Variants in IKZF1 observed in about 807,000 individuals in gnomAD.
IKZF1 encodes the protein DNA-binding protein Ikaros.
In IKZF1, 10 loss-of-function variants were observed where a neutral mutation model predicts 51.7. The observed-to-expected ratio is 0.19, with a 90% CI of 0.12 to 0.33. The LOEUF is 0.33. IKZF1 is among the 10% of genes least tolerant of loss of function. The pLI is 1.00. For synonymous variants in IKZF1, 280 were observed against 282.3 expected, an observed-to-expected ratio of 0.99 and a Z score of 0.08; for missense variants, 484 against 707.5, an observed-to-expected ratio of 0.68 and a Z score of 3.58.
intron 3 of IKZF1, among the ~76,000 whole-genome samples, chr7:50,349,778 T>C (rs1022085861): frequency 2.6e-5 from 4 of 152,184 alleles, no homozygotes; most frequent in East Asian, 1.9e-4. Context: ...ATAAATCTTA[T>C]AGGAAGTACC....
intron 3 of IKZF1, among the ~76,000 whole-genome samples, chr7:50,330,479 G>T (rs1334181917): frequency 6.6e-6 from 1 of 152,108 alleles, no homozygotes; most frequent in African/African-American, 2.4e-5. Flanking sequence ...CAAAGGAGAG[G>T]CTTGAGAAGA....
intron 3 of IKZF1, among the ~76,000 whole-genome samples, chr7:50,363,191 G>C (rs1029643378): frequency 1.3e-5 from 2 of 152,200 alleles, no homozygotes; most frequent in Non-Finnish European, 2.9e-5. Flanking sequence ...CAGGCATGGA[G>C]GGAAGAATGG....
chr7:50,327,549 T>A, intron 2 of IKZF1, 89 bp from the exon 3 acceptor site: 1 of 1,462,970 alleles, frequency 6.8e-7, no homozygotes, highest in East Asian at 2.5e-5. Context: ...ACCTGCCTCC[T>A]CATGCCACCC....
chr7:50,374,462 G>C (rs1422734108), intron 3 of IKZF1, among the ~76,000 whole-genome samples: 2 of 152,226 alleles, frequency 1.3e-5, no homozygotes, highest in African/African-American at 4.8e-5. Context: ...CCACTTGCCA[G>C]CTATGTGACC....
In IKZF1 at chr7:50,403,915, G is replaced by A. The variant is rs11980407; in HGVS notation, c.*3288G>A. 0.24 allele frequency: 52,244 copies of A among 216,228 alleles called. 6,715 individuals carry two copies. Among genetic ancestry groups the A allele is most frequent in the South Asian group, 0.29 (1,544 of 5,362 alleles). 13.4% of individuals were successfully genotyped at this position (216,228 alleles called of 1,614,324 possible). Reference sequence around the variant, plus strand: ...TGAACTGGACTTATGTAGACAAATCGTGATGCCAGTGTATCCTTCCTTTCT... The same window carrying A: ...TGAACTGGACTTATGTAGACAAATCATGATGCCAGTGTATCCTTCCTTTCT... On this transcript the variant is annotated 3_prime_UTR_variant, in exon 8 of 8. Transcript: ENST00000331340.
At chr7:50,356,118 G>A (rs1052387078) in intron 3 of IKZF1, among the ~76,000 whole-genome samples, 2 of 152,214 alleles carry the variant, frequency 1.3e-5, no homozygotes, top group Non-Finnish European at 2.9e-5. Context: ...GTCCCTAAAC[G>A]CATCTACCCC....
rs766697659 is a variant in IKZF1, at chr7:50,387,312, T to C, written c.590-33T>C. The C allele has an allele frequency of 8.1e-6, 13 of 1,600,250 alleles. No homozygotes were observed. The East Asian group carries it at 2.0e-4, about 25-fold the overall frequency. On this transcript the variant is annotated intron_variant, in intron 5 of 7. Coordinates refer to ENST00000331340, the MANE Select transcript of IKZF1 (RefSeq NM_006060.6). Reference sequence around the variant, plus strand: ...CCTTACACAGAAGGCTGGCATTTAATTGGGGTCTTGAACTCAATTGTGTTT... The same window carrying C: ...CCTTACACAGAAGGCTGGCATTTAACTGGGGTCTTGAACTCAATTGTGTTT...
chr7:50,387,397 C>T lies in IKZF1; in HGVS notation c.642C>T (p.Ser214=). 1 of 1,611,080 alleles carries T rather than the reference C, an allele frequency of 6.2e-7. No homozygotes were observed. The highest frequency in any genetic ancestry group is 8.5e-7 in the Non-Finnish European group (1 of 1,178,556). ...GTGGCCGAAGCTATAAACAGCGAAG[C>T]TCTTTAGAGGAACATAAAGAGCGCT... ...GYCGRSYKQR[S]SLEEHKERCH... is the part of the protein sequence containing the mutation. Residue 214 remains serine (S), a synonymous_variant, in exon 6 of 8, where the codon AGC becomes AGT. Transcript: ENST00000331340.
intron 3 of IKZF1, among the ~76,000 whole-genome samples, chr7:50,336,680 C>G (rs1026064574): frequency 6.6e-6 from 1 of 152,212 alleles, no homozygotes; most frequent in African/African-American, 2.4e-5. Context: ...TGAGGCGGTT[C>G]CATCCGTTGG....
At chr7:50,387,254 C>A (rs1298313553) in intron 5 of IKZF1, 91 bp from the exon 6 acceptor site, 8 of 1,405,730 alleles carry the variant, frequency 5.7e-6, no homozygotes, top group Admixed American at 3.0e-5. Context: ...TTTTTTTTAA[C>A]TTTTTTGGTA....
In IKZF1 at chr7:50,402,523, T is replaced by C; in HGVS notation, c.*1896T>C. ...GGGGAGAACCACTGACCCAAATGAA[T>C]TCTAAACCAATCAAATGTCTGGGAA... On this transcript the variant is annotated 3_prime_UTR_variant, in exon 8 of 8. Transcript: ENST00000331340. 4.3e-6 allele frequency: 1 copy of C among 231,992 alleles called. No homozygotes were observed. The highest frequency in any genetic ancestry group is 8.5e-6 in the Non-Finnish European group (1 of 117,158). The allele number at this position is 231,992 out of a possible 1,614,324, so 14.4% of individuals were successfully genotyped here. A position where few individuals can be genotyped will look rare whatever the true frequency, so the allele number is the denominator to read the frequency against.
At chr7:50,363,541 T>A (rs1434795291) in intron 3 of IKZF1, among the ~76,000 whole-genome samples, 1 of 152,136 alleles carries the variant, frequency 6.6e-6, no homozygotes, top group Non-Finnish European at 1.5e-5. Flanking sequence ...ACTCCCCAGC[T>A]CTGTGTCCCT....
chr7:50,325,002 A>G (rs1321081311), intron 2 of IKZF1, among the ~76,000 whole-genome samples: 1 of 152,058 alleles, frequency 6.6e-6, no homozygotes, highest in Non-Finnish European at 1.5e-5. Context: ...TCCACCCCAT[A>G]ATAATGACAG....
chr7:50,371,761 G>A (rs1255631782), intron 3 of IKZF1, among the ~76,000 whole-genome samples: 2 of 152,250 alleles, frequency 1.3e-5, no homozygotes, highest in African/African-American at 2.4e-5. Context: ...AGTCCCCAGT[G>A]ACTGACTCTT....
At chr7:50,361,471 A>G (rs1258903270) in intron 3 of IKZF1, among the ~76,000 whole-genome samples, 2 of 152,222 alleles carry the variant, frequency 1.3e-5, no homozygotes, top group African/African-American at 2.4e-5. Context: ...TGTTATATGG[A>G]GATCCTGGAC....
At chr7:50,354,918 T>C (rs912579484) in intron 3 of IKZF1, among the ~76,000 whole-genome samples, 3 of 152,146 alleles carry the variant, frequency 2.0e-5, no homozygotes, top group Admixed American at 6.5e-5. Flanking sequence ...ATCAGTACTA[T>C]GCTTCAGCGT....
rs869312885 is a variant in IKZF1 at position 50,382,669 on chromosome 7, G to A, written c.551G>A (p.Arg184Gln). The change falls in exon 5 of 8, where the codon CGG becomes CAG. Residue 184 changes from arginine to glutamine, a missense_variant. Coordinates refer to ENST00000331340, the MANE Select transcript of IKZF1 (RefSeq NM_006060.6). ...CACCTCTGCAACTACGCCTGCCGCCGGAGGGACGCCCTCACTGGCCACCTG... is the reference window on the plus strand; with the variant it reads ...CACCTCTGCAACTACGCCTGCCGCCAGAGGGACGCCCTCACTGGCCACCTG... ...KCHLCNYACR[R>Q]RDALTGHLRT... 1 of 1,611,506 alleles carries A rather than the reference G, an allele frequency of 6.2e-7. No homozygotes were observed. Among genetic ancestry groups the A allele is most frequent in the South Asian group, 1.1e-5 (1 of 91,046 alleles).
At position 50,400,686 on chromosome 7, in the gene IKZF1, C is replaced by T. The variant is rs2153520113; in HGVS notation, c.*59C>T. 1 of 1,535,262 alleles carries T rather than the reference C, an allele frequency of 6.5e-7. No homozygotes were observed. On this transcript the variant is annotated 3_prime_UTR_variant, in exon 8 of 8. Coordinates refer to ENST00000331340, the MANE Select transcript of IKZF1 (RefSeq NM_006060.6). The surrounding 1 kb of genome is among the most constrained non-coding windows in gnomAD (Gnocchi z 5.4). Reference sequence around the variant, plus strand: ...CACCCCAGGAAAAGCACAAGGACTGCCGCCTTCTCGCTCCCGCCAGCAGCA... The same window carrying T: ...CACCCCAGGAAAAGCACAAGGACTGTCGCCTTCTCGCTCCCGCCAGCAGCA...
chr7:50,340,322 G>C (rs1268346211), intron 3 of IKZF1, among the ~76,000 whole-genome samples: 9 of 152,244 alleles, frequency 5.9e-5, no homozygotes, highest in Non-Finnish European at 1.2e-4. Context: ...CCTGCTGCCA[G>C]GAGAGTACTT....
Sources: allele counts gnomAD v4.1 joint callset (sites outside exome capture counted in the v4.1 genomes callset), GRCh38; gene constraint gnomAD v4.1.1; non-coding constraint Gnocchi (gnomAD v3.1); transcripts MANE v1.5; gene names NCBI Gene and HGNC (gene_info 2026-07-23, HGNC 2026-07-21).